Variants in ADAMTS19 observed in about 807,000 individuals in gnomAD.
ADAMTS19 encodes A disintegrin and metalloproteinase with thrombospondin motifs 19.
ADAMTS19 carries 93 observed loss-of-function variants against 153.3 expected under a neutral mutation model. The observed-to-expected ratio is 0.61, with a 90% CI of 0.51 to 0.72. The LOEUF is 0.72. Among genes scored for constraint, ADAMTS19 ranks in the 30% least tolerant of loss-of-function variants. ADAMTS19 has a pLI of 0.00. For synonymous variants in ADAMTS19, 600 were observed against 556.6 expected (o/e 1.08, Z -1.10); for missense variants, 1,482 against 1,552.1 (o/e 0.95, Z 0.76).
chr5:129,468,639 A>T (rs752973052), intron 2 of ADAMTS19, among the ~76,000 whole-genome samples: 1 of 152,170 alleles, frequency 6.6e-6, no homozygotes, highest in African/African-American at 2.4e-5. Context: ...GGCGTGAGCC[A>T]CTGTGCCTGG....
chr5:129,691,646 T>C (rs1755342617), intron 18 of ADAMTS19, among the ~76,000 whole-genome samples: 1 of 152,204 alleles, frequency 6.6e-6, no homozygotes, highest in South Asian at 2.1e-4. Context: ...TTCAATGAAA[T>C]TTTTAAAAAG....
Position 129,461,723 on chromosome 5 carries a change from C to A in ADAMTS19, c.713C>A (p.Ser238Ter). Residue 238 changes from serine to a stop codon, truncating the protein, a stop_gained, in exon 2 of 23, where the codon TCG (serine) becomes TAG (stop). Coordinates refer to ENST00000274487, the MANE Select transcript of ADAMTS19 (RefSeq NM_133638.6). LOFTEE classifies it high-confidence loss of function. The surrounding 1 kb of genome is among the most constrained non-coding windows in gnomAD (Gnocchi z 4.6). ...YTGAVLRHPGSLASFSTCGGG... is the reference protein window; with the variant it reads ...YTGAVLRHPG ...GGAGCTGTGCTGCGGCACCCTGGCT[C>A]GCTGGCTTCTTTCAGCACCTGTGGA... 1 of 1,508,878 alleles carries A rather than the reference C, an allele frequency of 6.6e-7. No individual in the cohort carries two copies. The highest frequency in any genetic ancestry group is 8.8e-7 in the Non-Finnish European group (1 of 1,133,524). The allele number at this position is 1,508,878 out of a possible 1,614,324, so 93.5% of individuals were successfully genotyped here.
At chr5:129,640,646 T>C (rs761125498) in intron 10 of ADAMTS19, among the ~76,000 whole-genome samples, 1 of 152,054 alleles carries the variant, frequency 6.6e-6, no homozygotes, top group Non-Finnish European at 1.5e-5. Context: ...TGTTCTTTAC[T>C]ACTCTCCCCC....
chr5:129,467,539 G>GA (rs1175163008), intron 2 of ADAMTS19, among the ~76,000 whole-genome samples: 6 of 152,166 alleles, frequency 3.9e-5, no homozygotes, highest in South Asian at 2.1e-4. Flanking sequence ...AAGAGAAAGA[G>GA]AAAATCGTAT....
chr5:129,586,820 T>G (rs543624733), intron 7 of ADAMTS19, among the ~76,000 whole-genome samples: 55 of 152,344 alleles, frequency 3.6e-4, no homozygotes, highest in Non-Finnish European at 7.2e-4. Context: ...CATGTGGTGT[T>G]ATCCGTGTTT....
intron 6 of ADAMTS19, among the ~76,000 whole-genome samples, chr5:129,532,862 G>C (rs1404566878): frequency 6.6e-6 from 1 of 152,158 alleles, no homozygotes; most frequent in Non-Finnish European, 1.5e-5. Flanking sequence ...AATTTGGGAG[G>C]CCTAGGCAGG....
At chr5:129,558,693 T>C (rs748920825) in intron 7 of ADAMTS19, among the ~76,000 whole-genome samples, 7 of 152,058 alleles carry the variant, frequency 4.6e-5, no homozygotes, top group Non-Finnish European at 8.8e-5. Context: ...GCCAAGGTAC[T>C]GTTGAAGAAA....
chr5:129,634,639 A>C (rs954513301), intron 10 of ADAMTS19, among the ~76,000 whole-genome samples: 1 of 152,038 alleles, frequency 6.6e-6, no homozygotes, highest in East Asian at 1.9e-4. Flanking sequence ...ACCTACAACT[A>C]TCTTATTTTT....
chr5:129,579,396 C>A (rs1749391783), intron 7 of ADAMTS19, among the ~76,000 whole-genome samples: 1 of 152,286 alleles, frequency 6.6e-6, no homozygotes, highest in African/African-American at 2.4e-5. Flanking sequence ...GTTGCCTGTT[C>A]ACTCTGATGG....
At chr5:129,538,613 CAT>C (rs1385034415) in intron 6 of ADAMTS19, among the ~76,000 whole-genome samples, 4 of 152,026 alleles carry the variant, frequency 2.6e-5, no homozygotes, top group African/African-American at 4.8e-5. Context: ...TGATATATTT[CAT>C]ATATACAAAG....
At chr5:129,525,306 G>T (rs528711028) in intron 3 of ADAMTS19, among the ~76,000 whole-genome samples, 1 of 152,052 alleles carries the variant, frequency 6.6e-6, no homozygotes, top group Non-Finnish European at 1.5e-5. Context: ...AGTCTTGTCA[G>T]CACTTGATAT....
chr5:129,696,799 C>A (rs922446249), intron 19 of ADAMTS19, among the ~76,000 whole-genome samples: 1 of 152,034 alleles, frequency 6.6e-6, no homozygotes. Flanking sequence ...ATCTAAAGAC[C>A]TGGAATCAAG....
chr5:129,675,298 T>TTTTGGAATA (rs1181060449), intron 16 of ADAMTS19, among the ~76,000 whole-genome samples: 1 of 152,208 alleles, frequency 6.6e-6, no homozygotes, highest in African/African-American at 2.4e-5. Context: ...GTAGACTGTA[T>TTTTGGAATA]CAAATTTGGA....
chr5:129,715,527 A>G (rs1163891637), intron 21 of ADAMTS19, among the ~76,000 whole-genome samples: 1 of 152,208 alleles, frequency 6.6e-6, no homozygotes, highest in Non-Finnish European at 1.5e-5. Context: ...TTGTAGTATC[A>G]GTGGGGCTAG....
chr5:129,735,232 T>A, intron 22 of ADAMTS19, 123 bp downstream of exon 22: 1 of 973,862 alleles, frequency 1.0e-6, no homozygotes, highest in Non-Finnish European at 1.4e-6. Context: ...TGGTTTGCAC[T>A]AAATTGGATC....
intron 3 of ADAMTS19, among the ~76,000 whole-genome samples, chr5:129,513,660 G>A (rs1247614509): frequency 6.6e-6 from 1 of 151,588 alleles, no homozygotes; most frequent in Non-Finnish European, 1.5e-5. Context: ...TTTTTTGTGG[G>A]TACATAGTAG....
At chr5:129,702,871 C>T (rs1294938163) in intron 20 of ADAMTS19, among the ~76,000 whole-genome samples, 1 of 140,728 alleles carries the variant, frequency 7.1e-6, no homozygotes, top group Non-Finnish European at 1.5e-5. Context: ...GAAAAAACGT[C>T]TATTGTTTTA....
At position 129,526,445 on chromosome 5, in the gene ADAMTS19, A is replaced by G; in HGVS notation, c.1075A>G (p.Ile359Val). The change falls in exon 4 of 23, where the codon ATC becomes GTC. Residue 359 changes from isoleucine to valine, a missense_variant. Physicochemically the swap from Ile to Val is conservative, Grantham distance 29. Around this residue, in one of 2 missense-constraint regions of ADAMTS19, gnomAD observed 866 missense variants for 827.7 expected, o/e 1.05. Coordinates refer to ENST00000274487, the MANE Select transcript of ADAMTS19 (RefSeq NM_133638.6). ...TGCAGCCAGGAGATTCATTCTAACC[A>G]TCTTAAATATGGTAGGCAAACTTTA... ...ADAARRFILT[I>V]LNMVFNLFQH... 6.3e-7 allele frequency: 1 copy of G among 1,591,510 alleles called. No individual in the cohort carries two copies. The highest frequency in any genetic ancestry group is 8.5e-7 in the Non-Finnish European group (1 of 1,171,986).
intron 8 of ADAMTS19, among the ~76,000 whole-genome samples, chr5:129,610,690 T>C (rs1311933206): frequency 6.6e-6 from 1 of 152,194 alleles, no homozygotes; most frequent in Admixed American, 6.5e-5. Context: ...AATCTATCAC[T>C]GTTGGACATT....
Sources: allele counts gnomAD v4.1 joint callset (sites outside exome capture counted in the v4.1 genomes callset), GRCh38; gene constraint gnomAD v4.1.1; regional missense constraint gnomAD v4.1.1; non-coding constraint Gnocchi (gnomAD v3.1); transcripts MANE v1.5; gene names NCBI Gene and HGNC (gene_info 2026-07-23, HGNC 2026-07-21).